Variants in ESF1 observed in about 807,000 individuals in gnomAD.
ESF1 encodes the protein ESF1 nucleolar pre-rRNA processing protein.
In ESF1, 58 loss-of-function variants were observed where a neutral mutation model predicts 92.0. The ratio of observed to expected loss-of-function variants is 0.63; its 90% CI spans 0.51 to 0.78. The LOEUF is 0.78. ESF1 is among the 30% of genes least tolerant of loss of function. The pLI, the probability that ESF1 is intolerant of heterozygous loss-of-function variation, is 0.00. For missense variants in ESF1, 922 were observed against 989.1 expected (o/e 0.93, Z 0.91); for synonymous variants, 321 against 313.7 (o/e 1.02, Z -0.24).
At chr20:13,751,097 T>C (rs529150155) in intron 9 of ESF1, among the ~76,000 whole-genome samples, 3 of 152,370 alleles carry the variant, frequency 2.0e-5, no homozygotes, top group African/African-American at 4.8e-5. Flanking sequence ...ATGAAGAACC[T>C]ACAGCATAAC....
Position 13,714,829 on chromosome 20 carries a change from AT to A in ESF1, c.*44del, listed in dbSNP as rs2095399255. On this transcript the variant is annotated 3_prime_UTR_variant, in exon 14 of 14. Transcript: ENST00000617257. ...ATATTCCCTCCTATTATTTTTGTAC[AT>A]TTTAGGAAAAGATGTATTCAGTTCA... 6.9e-7 allele frequency: 1 copy of A among 1,452,320 alleles called. No homozygotes were observed. The highest frequency in any genetic ancestry group is 1.4e-5 in the African/African-American group (1 of 70,424). The allele number at this position is 1,452,320 out of a possible 1,614,324, so 90.0% of individuals were successfully genotyped here. A position where few individuals can be genotyped will look rare whatever the true frequency, so the allele number is the denominator to read the frequency against.
At position 13,784,868 on chromosome 20, in the gene ESF1, A is replaced by C; in HGVS notation, c.-44+12T>G. The C allele has an allele frequency of 1.7e-6, 1 of 602,504 alleles. No individual in the cohort carries two copies. The allele number at this position is 602,504 out of a possible 1,614,324, so 37.3% of individuals were successfully genotyped here. ...ATCTCGAGCTCTTCAACTCCAGTCCATCCCCACTCACCGTCCGCAGTCCTA... is the reference window on the plus strand; with the variant it reads ...ATCTCGAGCTCTTCAACTCCAGTCCCTCCCCACTCACCGTCCGCAGTCCTA... On this transcript the variant is annotated intron_variant, in intron 1 of 13. Transcript: ENST00000617257.
chr20:13,733,758 T>G lies in ESF1; in HGVS notation c.1913A>C (p.Lys638Thr). 10 of 1,613,118 alleles carry G rather than the reference T, an allele frequency of 6.2e-6. No homozygotes were observed. Among genetic ancestry groups the G allele is most frequent in the Non-Finnish European group, 6.8e-6 (8 of 1,179,846 alleles). Residue 638 changes from lysine to threonine, a missense_variant, in exon 10 of 14, where the codon AAG becomes ACG. Lys to Thr is a moderately conservative substitution (Grantham distance 78, BLOSUM62 -1). Coordinates refer to ENST00000617257, the MANE Select transcript of ESF1 (RefSeq NM_001276380.2). ...KLTPWEQFLEKKKEKKRLKRK... is the reference protein window; with the variant it reads ...KLTPWEQFLETKKEKKRLKRK... The stretch of plus-strand genomic sequence containing the variant: ...TTTCAGTCTTTTTTTCTCTTTCTTC[T>G]TCTCTAAAAATTGTTCCCAAGGGGT...
At chr20:13,770,760 T>G (rs1979647384) in intron 6 of ESF1, among the ~76,000 whole-genome samples, 1 of 152,226 alleles carries the variant, frequency 6.6e-6, no homozygotes, top group Non-Finnish European at 1.5e-5. Context: ...TAAGGTTGAG[T>G]CTTACAATTT....
intron 5 of ESF1, among the ~76,000 whole-genome samples, chr20:13,771,999 TA>T (rs1979708276): frequency 6.7e-6 from 1 of 150,290 alleles, no homozygotes; most frequent in South Asian, 2.1e-4. Flanking sequence ...CTCCTGTCAC[TA>T]ATCTATTTAA....
rs747526689 is a variant in ESF1 at position 13,766,846 on chromosome 20, C to T, written c.1597G>A (p.Asp533Asn). 1.2e-6 allele frequency: 2 copies of T among 1,613,862 alleles called. No homozygotes were observed. Among genetic ancestry groups the T allele is most frequent in the East Asian group, 2.2e-5 (1 of 44,816 alleles). ...NRKFKKEELL[D>N]MDFQAYLASS... ...GCTAAGTAGGCTTGAAAATCCATGT[C>T]CAAAAGCTCTTCCTTTTTAAACTTC... The change falls in exon 8 of 14, where the codon GAC becomes AAC. Residue 533 changes from aspartate to asparagine, a missense_variant. Transcript: ENST00000617257.
At chr20:13,728,145 C>A (rs535129648) in intron 11 of ESF1, among the ~76,000 whole-genome samples, 1 of 152,262 alleles carries the variant, frequency 6.6e-6, no homozygotes, top group South Asian at 2.1e-4. Flanking sequence ...AAACTATTAA[C>A]CACATTATCA....
At chr20:13,758,027 G>A (rs566794167) in intron 9 of ESF1, among the ~76,000 whole-genome samples, 1 of 151,706 alleles carries the variant, frequency 6.6e-6, no homozygotes, top group Non-Finnish European at 1.5e-5. Context: ...AGACATCTCT[G>A]AGTAGCATAA....
chr20:13,771,446 G>A lies in ESF1; in HGVS notation c.1288C>T (p.Arg430Ter), dbSNP rs140974832. ...ACTACTGCATAATAGTACTTCAGTCGTTTGAATTGATAATCTCTCAATTTT... is the reference window on the plus strand; with the variant it reads ...ACTACTGCATAATAGTACTTCAGTCATTTGAATTGATAATCTCTCAATTTT... ...REKLRDYQFKRLKYYYAVVDC... is the reference protein window; with the variant it reads ...REKLRDYQFK The change falls in exon 6 of 14, where the codon CGA becomes TGA. Residue 430 changes from arginine (R) to a stop codon, truncating the protein, a stop_gained. Transcript: ENST00000617257. LOFTEE classifies it high-confidence loss of function. 3 of 1,613,042 alleles carry A rather than the reference G, an allele frequency of 1.9e-6. No homozygotes were observed. Among genetic ancestry groups the A allele is most frequent in the East Asian group, 2.2e-5 (1 of 44,756 alleles).
intron 13 of ESF1, 29 bp from the exon 14 acceptor site, chr20:13,715,196 T>A: frequency 1.4e-6 from 2 of 1,439,024 alleles, no homozygotes; most frequent in Non-Finnish European, 1.8e-6. Context: ...AAAAAATTAA[T>A]AAATTAATTA....
In ESF1 at chr20:13,775,268, A is replaced by G; in HGVS notation, c.1038T>C (p.Ile346=). Residue 346 remains isoleucine (I), a splice_region_variant and synonymous_variant, in exon 4 of 14, where the codon ATT becomes ATC. Coordinates refer to ENST00000617257, the MANE Select transcript of ESF1 (RefSeq NM_001276380.2). ...LDKDAPRADE[I]TRRLAVCNMD... ...TGTTACAAACTGCTAATCGACGTGT[A>G]ATCTGAGAAATGAGAAGAATTAAAT... The G allele has an allele frequency of 6.4e-7, 1 of 1,561,924 alleles. No homozygotes were observed. The highest frequency in any genetic ancestry group is 2.2e-5 in the East Asian group (1 of 44,556).
At position 13,769,954 on chromosome 20, in the gene ESF1, C is replaced by G. The variant is rs931351296; in HGVS notation, c.1471G>C (p.Ala491Pro). ...KDVASEVNLT[A>P]YKPKYFTSAA... ...GAAGTGAAATATTTTGGTTTATATG[C>G]TGTTAAATTCACTTCTGAGGCTACA... Residue 491 changes from alanine (A) to proline (P), a missense_variant, in exon 7 of 14, where the codon GCA becomes CCA. Coordinates refer to ENST00000617257, the MANE Select transcript of ESF1 (RefSeq NM_001276380.2). 6.2e-7 allele frequency: 1 copy of G among 1,612,396 alleles called. No homozygotes were observed. The highest frequency in any genetic ancestry group is 1.1e-5 in the South Asian group (1 of 90,862).
intron 8 of ESF1, among the ~76,000 whole-genome samples, chr20:13,760,134 C>A (rs1979094227): frequency 6.6e-6 from 1 of 152,240 alleles, no homozygotes; most frequent in Non-Finnish European, 1.5e-5. Flanking sequence ...CTTTGGGCTT[C>A]TTTTTCCTAT....
rs879043693 is a variant in ESF1, at chr20:13,782,623, A to C, written c.518T>G (p.Val173Gly). The change falls in exon 2 of 14, where the codon GTT (valine) becomes GGT (glycine). Residue 173 changes from valine to glycine, a missense_variant. Physicochemically the swap from Val to Gly is moderately radical, Grantham distance 109 (BLOSUM62 -3). Transcript: ENST00000617257. ...GAGAGAAGAGTCTGTAGTATGTTGA[A>C]CAATGTTTTTTTTCTCTTTCTTATT... Reference protein sequence around the residue: ...QKNKKEKKNIVQHTTDSSLEE... With the variant: ...QKNKKEKKNIGQHTTDSSLEE... 3.7e-6 allele frequency: 6 copies of C among 1,608,088 alleles called. 1 individual carries two copies. In the Admixed American group the frequency reaches 1.0e-4, roughly 27 times the overall value.
At position 13,782,911 on chromosome 20, in the gene ESF1, G is replaced by T. The variant is rs745826591; in HGVS notation, c.230C>A (p.Ser77Tyr). 1 of 1,613,986 alleles carries T rather than the reference G, an allele frequency of 6.2e-7. No homozygotes were observed. The highest frequency in any genetic ancestry group is 1.1e-5 in the South Asian group (1 of 91,074). ...DLKRFYDLSD[S>Y]DSNLSGEDSK... ...ATCTTCACCAGAGAGATTGGAATCA[G>T]AATCTGAAAGGTCGTAAAAACGCTT... is the stretch of plus-strand genomic sequence containing the variant. The change falls in exon 2 of 14, where the codon TCT (serine) becomes TAT (tyrosine). Residue 77 changes from serine (S) to tyrosine (Y), a missense_variant. Physicochemically the swap from Ser to Tyr is moderately radical, Grantham distance 144. Transcript: ENST00000617257.
intron 9 of ESF1, 109 bp downstream of exon 9, chr20:13,759,583 A>G (rs1979059364): frequency 2.8e-6 from 4 of 1,412,034 alleles, no homozygotes; most frequent in Non-Finnish European, 3.7e-6. Flanking sequence ...GGTGTATGCA[A>G]ATATGATGTT....
At chr20:13,769,498 C>T (rs1979582658) in intron 7 of ESF1, among the ~76,000 whole-genome samples, 1 of 152,148 alleles carries the variant, frequency 6.6e-6, no homozygotes, top group Non-Finnish European at 1.5e-5. Flanking sequence ...ATTTTGAATA[C>T]TTTGAGGCTG....
At chr20:13,766,669 A>G in intron 8 of ESF1, 108 bp downstream of exon 8, 1 of 1,071,482 alleles carries the variant, frequency 9.3e-7, no homozygotes, top group Non-Finnish European at 1.4e-6. Flanking sequence ...CTACAGGTAT[A>G]TATAATACTG....
intron 9 of ESF1, among the ~76,000 whole-genome samples, chr20:13,750,594 A>T (rs1223501815): frequency 6.6e-6 from 1 of 152,226 alleles, no homozygotes; most frequent in African/African-American, 2.4e-5. Context: ...TAGGAATCAG[A>T]TTATATTTTG....
Sources: allele counts gnomAD v4.1 joint callset (sites outside exome capture counted in the v4.1 genomes callset), GRCh38; gene constraint gnomAD v4.1.1; transcripts MANE v1.5; gene names NCBI Gene and HGNC (gene_info 2026-07-23, HGNC 2026-07-21).